The following CPNE8 variants were observed in gnomAD, a reference collection of about 807,000 sequenced individuals.
The protein encoded by CPNE8 is copine 8, also known as copine-8.
A neutral mutation model predicts 81.5 loss-of-function variants in CPNE8; 45 were observed. The ratio of observed to expected loss-of-function variants is 0.55; its 90% CI spans 0.44 to 0.71. The LOEUF is 0.71. CPNE8 is among the 30% of genes least tolerant of loss of function. The pLI, the probability that CPNE8 is intolerant of heterozygous loss-of-function variation, is 0.00. For missense variants in CPNE8, 594 were observed against 672.1 expected, an observed-to-expected ratio of 0.88 and a Z score of 1.28; for synonymous variants, 252 against 226.3, an observed-to-expected ratio of 1.11 and a Z score of -1.02.
At chr12:38,892,327 C>G (rs1021916193) in intron 1 of CPNE8, among the ~76,000 whole-genome samples, 1 of 152,118 alleles carries the variant, frequency 6.6e-6, no homozygotes, top group African/African-American at 2.4e-5. Flanking sequence ...AAAGGGGACA[C>G]GCTGAAACAG....
chr12:38,746,679 G>T lies in CPNE8; in HGVS notation c.722+14168C>A, dbSNP rs529470046. 2.0e-5 allele frequency among the ~76,000 whole-genome samples: 3 copies of T among 152,204 alleles called. No individual in the cohort carries two copies. The East Asian group carries it at 5.8e-4, about 29-fold the overall frequency. ...GGAACAGAAATATTTTCAGTTTAAG[G>T]ACCAAAAACTAACATACATTGGAGA... is the stretch of plus-strand genomic sequence containing the variant. On this transcript the variant is annotated intron_variant, in intron 10 of 19. Transcript: ENST00000331366.
At chr12:38,796,629 G>A (rs928262708) in intron 6 of CPNE8, among the ~76,000 whole-genome samples, 1 of 152,126 alleles carries the variant, frequency 6.6e-6, no homozygotes, top group Non-Finnish European at 1.5e-5. Context: ...GCAGAAGACG[G>A]GGGATTTCTG....
intron 19 of CPNE8, among the ~76,000 whole-genome samples, chr12:38,664,440 TTTG>T (rs1248824129): frequency 6.6e-6 from 1 of 152,094 alleles, no homozygotes; most frequent in African/African-American, 2.4e-5. Context: ...TATAAAGCAA[TTTG>T]TTAATAGTTT....
chr12:38,744,773 C>A (rs1345032952), intron 10 of CPNE8, among the ~76,000 whole-genome samples: 1 of 151,922 alleles, frequency 6.6e-6, no homozygotes, highest in Non-Finnish European at 1.5e-5. Flanking sequence ...TTGCAAAGAT[C>A]AAATGGAAAA....
intron 16 of CPNE8, chr12:38,679,566 A>G: frequency 2.0e-6 from 2 of 983,586 alleles, no homozygotes; most frequent in Non-Finnish European, 1.2e-6. Context: ...ATGTAATTTG[A>G]AAATCAATTA....
intron 15 of CPNE8, among the ~76,000 whole-genome samples, chr12:38,691,526 A>G (rs1342860687): frequency 6.6e-6 from 1 of 152,124 alleles, no homozygotes; most frequent in Non-Finnish European, 1.5e-5. Flanking sequence ...AGTGCTTTGA[A>G]AATTTTAAAG....
At chr12:38,797,012 C>A (rs550521408) in intron 6 of CPNE8, among the ~76,000 whole-genome samples, 10 of 152,248 alleles carry the variant, frequency 6.6e-5, no homozygotes, top group African/African-American at 2.2e-4. Context: ...CCGCCATTGC[C>A]CAGGCTTGCT....
intron 13 of CPNE8, among the ~76,000 whole-genome samples, chr12:38,706,388 T>C (rs1940106432): frequency 6.6e-6 from 1 of 152,086 alleles, no homozygotes; most frequent in South Asian, 2.1e-4. Flanking sequence ...AGTTTTGGTT[T>C]TGAAGAAACA....
intron 6 of CPNE8, among the ~76,000 whole-genome samples, chr12:38,788,101 A>G (rs1565615549): frequency 6.6e-6 from 1 of 151,920 alleles, no homozygotes; most frequent in Non-Finnish European, 1.5e-5. Context: ...AATAGGTCCA[A>G]ACTCATTCTA....
At chr12:38,806,240 C>G (rs10444549) in intron 6 of CPNE8, among the ~76,000 whole-genome samples, 2 of 149,886 alleles carry the variant, frequency 1.3e-5, no homozygotes, top group East Asian at 4.5e-4. Flanking sequence ...GGAATCCTCC[C>G]TAACTCATTT....
chr12:38,867,337 TGTGAGAGAGAGA>T (rs1943930605), intron 3 of CPNE8, among the ~76,000 whole-genome samples: 1 of 137,158 alleles, frequency 7.3e-6, no homozygotes, highest in African/African-American at 2.9e-5. Context: ...TGTGTGTGTG[TGTGAGAGAGAGA>T]GAGAGAGAGA....
intron 18 of CPNE8, among the ~76,000 whole-genome samples, chr12:38,673,486 A>T (rs1056251105): frequency 1.4e-4 from 22 of 152,102 alleles, no homozygotes; most frequent in Non-Finnish European, 2.8e-4. Flanking sequence ...TAATATAGAA[A>T]TTTTTTTTAA....
intron 19 of CPNE8, among the ~76,000 whole-genome samples, chr12:38,661,015 G>A (rs149891408): frequency 3.9e-4 from 59 of 152,318 alleles, no homozygotes; most frequent in African/African-American, 1.4e-3. Context: ...TGGTGGGAGT[G>A]TAAATTAGTT....
intron 14 of CPNE8, among the ~76,000 whole-genome samples, chr12:38,702,441 C>A (rs971630789): frequency 3.3e-5 from 5 of 151,892 alleles, no homozygotes; most frequent in African/African-American, 9.7e-5. Context: ...TTATAAAGGA[C>A]AGATACTGTT....
chr12:38,766,640 TTATTA>T (rs1941695861), intron 8 of CPNE8, among the ~76,000 whole-genome samples: 1 of 152,058 alleles, frequency 6.6e-6, no homozygotes, highest in Non-Finnish European at 1.5e-5. Context: ...CATTTGATAC[TTATTA>T]TATAACAACA....
chr12:38,736,898 ATTAGAAACT>A (rs1940968290), intron 10 of CPNE8, among the ~76,000 whole-genome samples: 1 of 152,054 alleles, frequency 6.6e-6, no homozygotes, highest in East Asian at 1.9e-4. Flanking sequence ...AATTATATAA[ATTAGAAACT>A]TTACTGTGCT....
intron 6 of CPNE8, among the ~76,000 whole-genome samples, chr12:38,791,821 A>G (rs1312961603): frequency 6.6e-6 from 1 of 151,566 alleles, no homozygotes; most frequent in African/African-American, 2.4e-5. Context: ...TCCAGGACAG[A>G]CCACATTTTA....
chr12:38,822,544 T>C (rs1026504135), intron 6 of CPNE8, among the ~76,000 whole-genome samples: 3 of 152,172 alleles, frequency 2.0e-5, no homozygotes, highest in African/African-American at 7.2e-5. Context: ...TATAAAGTAT[T>C]GATGTTACTT....
intron 10 of CPNE8, among the ~76,000 whole-genome samples, chr12:38,751,701 A>AT (rs72516156): frequency 7.2e-5 from 11 of 152,072 alleles, no homozygotes; most frequent in Admixed American, 2.6e-4. Flanking sequence ...GAGATAAAAA[A>AT]ATATATATAT....
Sources: gnomAD v4.1 joint callset for allele counts (sites outside exome capture counted in the v4.1 genomes callset) on GRCh38, gnomAD v4.1.1 for gene constraint, MANE v1.5 for transcripts, NCBI Gene and HGNC (gene_info 2026-07-23, HGNC 2026-07-21) for gene names.